MCC: variants seen among roughly 807,000 people sequenced by gnomAD.
The protein encoded by MCC is MCC regulator of Wnt signaling pathway.
A neutral mutation model predicts 116.2 loss-of-function variants in MCC; 90 were observed. The ratio of observed to expected loss-of-function variants is 0.77; its 90% CI spans 0.65 to 0.92. The LOEUF is 0.92. Ranked by LOEUF, MCC falls within the 40% of genes least tolerant of loss-of-function variation. The pLI is 0.00. For missense variants in MCC, 1,516 were observed against 1,312.2 expected, an observed-to-expected ratio of 1.16 and a Z score of -2.40; for synonymous variants, 578 against 510.5, an observed-to-expected ratio of 1.13 and a Z score of -1.78.
At chr5:113,146,370 A>G (rs955298533) in intron 4 of MCC, among the ~76,000 whole-genome samples, 1 of 4,158 alleles carries the variant, frequency 2.4e-4, no homozygotes, top group African/African-American at 5.7e-4. Context: ...TCTCTCCTCT[A>G]TGTCTTCCTC....
At chr5:113,425,772 T>G (rs1030578916) in intron 1 of MCC, among the ~76,000 whole-genome samples, 48 of 151,706 alleles carry the variant, frequency 3.2e-4, no homozygotes, top group African/African-American at 1.2e-3. Flanking sequence ...GACAGACGAG[T>G]GTTGTTTTTC....
intron 3 of MCC, among the ~76,000 whole-genome samples, chr5:113,271,477 G>C (rs1045530345): frequency 6.6e-6 from 1 of 152,206 alleles, no homozygotes; most frequent in Admixed American, 6.5e-5. Flanking sequence ...GAATTTCCTA[G>C]TGTGAAATTT....
At chr5:113,408,125 A>G (rs1292422865) in intron 1 of MCC, among the ~76,000 whole-genome samples, 1 of 152,196 alleles carries the variant, frequency 6.6e-6, no homozygotes, top group Non-Finnish European at 1.5e-5. Context: ...TATCTTTCAT[A>G]CAACCTGGAC....
At chr5:113,192,317 T>C (rs1762186813) in intron 3 of MCC, among the ~76,000 whole-genome samples, 1 of 152,226 alleles carries the variant, frequency 6.6e-6, no homozygotes, top group African/African-American at 2.4e-5. Context: ...GAAAAGAACA[T>C]TCTCTGGACA....
intron 3 of MCC, among the ~76,000 whole-genome samples, chr5:113,264,581 T>C (rs1008552294): frequency 1.3e-5 from 2 of 152,146 alleles, no homozygotes; most frequent in African/African-American, 4.8e-5. Context: ...TGTGATACTC[T>C]AGGGGGCTGC....
chr5:113,144,890 C>T (rs1296867364), intron 4 of MCC, among the ~76,000 whole-genome samples: 2 of 152,104 alleles, frequency 1.3e-5, no homozygotes, highest in African/African-American at 4.8e-5. Context: ...GTCAAGCACA[C>T]AAAAAATAAG....
At chr5:113,159,261 G>A (rs142963899) in intron 3 of MCC, among the ~76,000 whole-genome samples, 1 of 152,246 alleles carries the variant, frequency 6.6e-6, no homozygotes, top group African/African-American at 2.4e-5. Context: ...CCTGAGTTCT[G>A]CACTATGGGC....
rs561097293 is a variant in MCC, at chr5:113,122,608, T to C, written c.1027+76A>G. Reference sequence around the variant, plus strand: ...TGAAAAATTAAATTTTAATTCAGGCTGCCTCACATTTCTAAAATTTCTATT... The same window carrying C: ...TGAAAAATTAAATTTTAATTCAGGCCGCCTCACATTTCTAAAATTTCTATT... On this transcript the variant is annotated intron_variant, in intron 6 of 18. Coordinates refer to ENST00000408903, the MANE Select transcript of MCC (RefSeq NM_001085377.2). 953 of 1,544,694 alleles carry C rather than the reference T, an allele frequency of 6.2e-4. 13 individuals are homozygous for C. In the South Asian group the frequency reaches 9.8e-3, roughly 16 times the overall value.
At position 113,208,716 on chromosome 5, in the gene MCC, G is replaced by T. The variant is rs114462570; in HGVS notation, c.628-57294C>A. Among the ~76,000 whole-genome samples the T allele has an allele frequency of 9.7e-4, 147 of 152,216 alleles. 2 individuals carry two copies. The highest frequency in any genetic ancestry group is 1.9e-3 in the Non-Finnish European group (130 of 67,998). ...AGAGGAGTCACAGAAAATTCAGCTA[G>T]CAAGAGTATCATGAAAAAAACAAAC... On this transcript the variant is annotated intron_variant, in intron 3 of 18. Coordinates refer to ENST00000408903, the MANE Select transcript of MCC (RefSeq NM_001085377.2).
At chr5:113,232,573 A>G (rs1180404531) in intron 3 of MCC, among the ~76,000 whole-genome samples, 1 of 152,190 alleles carries the variant, frequency 6.6e-6, no homozygotes, top group African/African-American at 2.4e-5. Context: ...TTTTCACATT[A>G]ACTTTCAGAT....
intron 3 of MCC, among the ~76,000 whole-genome samples, chr5:113,270,641 G>A (rs17135526): frequency 0.12 from 17,556 of 146,370 alleles, 1,767 homozygotes; most frequent in Admixed American, 0.26. Flanking sequence ...GTTTTCTGAT[G>A]TGAGGCCCAT....
intron 11 of MCC, among the ~76,000 whole-genome samples, chr5:113,081,558 A>G (rs1321710789): frequency 6.6e-6 from 1 of 152,188 alleles, no homozygotes; most frequent in Non-Finnish European, 1.5e-5. Context: ...CAGAATCTGT[A>G]GAGAGGAGAT....
chr5:113,367,850 A>T (rs10076511), intron 2 of MCC, among the ~76,000 whole-genome samples: 7,576 of 152,236 alleles, frequency 0.05, 229 homozygotes, highest in African/African-American at 0.072. Context: ...GGCCAGTGGC[A>T]ACAAGACTAT....
At chr5:113,149,759 A>G (rs1759736995) in intron 4 of MCC, among the ~76,000 whole-genome samples, 1 of 152,196 alleles carries the variant, frequency 6.6e-6, no homozygotes, top group South Asian at 2.1e-4. Context: ...AGTAAAGCCC[A>G]AAGCTTGGAG....
chr5:113,367,169 TG>T (rs1226547498), intron 2 of MCC, among the ~76,000 whole-genome samples: 1 of 151,926 alleles, frequency 6.6e-6, no homozygotes, highest in African/African-American at 2.4e-5. Flanking sequence ...TTAATTGATA[TG>T]GAAATCAATA....
intron 9 of MCC, 43 bp downstream of exon 9, chr5:113,085,121 C>T (rs778487507): frequency 2.2e-5 from 36 of 1,613,088 alleles, no homozygotes; most frequent in Non-Finnish European, 3.0e-5. Flanking sequence ...TTCCAGATAA[C>T]AGGAGGTGTT....
At chr5:113,077,981 T>C (rs58986551) in intron 11 of MCC, among the ~76,000 whole-genome samples, 8,183 of 152,156 alleles carry the variant, frequency 0.054, 279 homozygotes, top group East Asian at 0.11. Context: ...ATATCACCAC[T>C]GATCCCACAA....
chr5:113,145,268 C>T, intron 4 of MCC, among the ~76,000 whole-genome samples: 1 of 152,134 alleles, frequency 6.6e-6, no homozygotes, highest in Non-Finnish European at 1.5e-5. Context: ...ATGCAGGTCA[C>T]CAGTTCCAGA....
intron 1 of MCC, among the ~76,000 whole-genome samples, chr5:113,389,386 C>T (rs1482156168): frequency 6.6e-6 from 1 of 152,114 alleles, no homozygotes; most frequent in Non-Finnish European, 1.5e-5. Context: ...CAAAATGTGG[C>T]GGAAATAAAA....
Sources: allele counts gnomAD v4.1 joint callset (sites outside exome capture counted in the v4.1 genomes callset), GRCh38; gene constraint gnomAD v4.1.1; transcripts MANE v1.5; gene names NCBI Gene and HGNC (gene_info 2026-07-23, HGNC 2026-07-21).